Variants in SLC35F3 observed in about 807,000 individuals in gnomAD.
The protein encoded by SLC35F3 is putative thiamine transporter SLC35F3.
In SLC35F3, 25 loss-of-function variants were observed where a neutral mutation model predicts 49.9. The observed-to-expected ratio is 0.50, with a 90% CI of 0.37 to 0.70. The LOEUF is 0.70. Ranked by LOEUF, SLC35F3 falls within the 30% of genes least tolerant of loss-of-function variation. The pLI is 0.00. For missense variants in SLC35F3, 525 were observed against 639.8 expected (o/e 0.82, Z 1.94); for synonymous variants, 275 against 265.4 (o/e 1.04, Z -0.35).
intron 2 of SLC35F3, among the ~76,000 whole-genome samples, chr1:233,918,778 TTCTC>T (rs139769087): frequency 0.3 from 43,131 of 143,874 alleles, 6,870 homozygotes; most frequent in Admixed American, 0.48. Flanking sequence ...CTCTCTCTCT[TTCTC>T]TCTCTCTCTC....
intron 3 of SLC35F3, among the ~76,000 whole-genome samples, chr1:234,275,570 G>C (rs1040412547): frequency 6.7e-6 from 1 of 149,924 alleles, no homozygotes. Flanking sequence ...CTTGTAGGTA[G>C]GTAGTTAGGT....
At chr1:234,220,119 G>A (rs532358682) in intron 2 of SLC35F3, among the ~76,000 whole-genome samples, 9 of 151,826 alleles carry the variant, frequency 5.9e-5, no homozygotes, top group Non-Finnish European at 8.8e-5. Flanking sequence ...AACACCATCC[G>A]AAACTGAGAA....
chr1:233,914,908 G>C (rs1661943795), intron 2 of SLC35F3, among the ~76,000 whole-genome samples: 1 of 152,162 alleles, frequency 6.6e-6, no homozygotes, highest in African/African-American at 2.4e-5. Context: ...TTCTTCTGGT[G>C]GATGATGGTG....
intron 2 of SLC35F3, among the ~76,000 whole-genome samples, chr1:233,998,993 A>G (rs1254945182): frequency 2.0e-5 from 3 of 152,170 alleles, no homozygotes; most frequent in African/African-American, 7.2e-5. Context: ...AAATAGGGTA[A>G]TTATGCAAAG....
intron 3 of SLC35F3, among the ~76,000 whole-genome samples, chr1:234,299,804 C>CAAAAAA (rs36039526): frequency 3.9e-4 from 33 of 84,456 alleles, no homozygotes; most frequent in Non-Finnish European, 5.1e-4. Context: ...GACTCCATCT[C>CAAAAAA]AAAAAAAAAA....
intron 2 of SLC35F3, among the ~76,000 whole-genome samples, chr1:234,163,601 G>A (rs534180417): frequency 6.6e-6 from 1 of 152,364 alleles, no homozygotes; most frequent in Non-Finnish European, 1.5e-5. Flanking sequence ...GACTGGGGCT[G>A]CTATGCCTGT....
At chr1:234,240,195 C>A (rs1177245642) in intron 3 of SLC35F3, among the ~76,000 whole-genome samples, 2 of 152,194 alleles carry the variant, frequency 1.3e-5, no homozygotes, top group Admixed American at 6.5e-5. Context: ...GAGGGCTGGG[C>A]ATGGTGGCTC....
intron 2 of SLC35F3, among the ~76,000 whole-genome samples, chr1:233,976,410 A>G (rs1663080607): frequency 6.6e-6 from 1 of 152,212 alleles, no homozygotes; most frequent in Admixed American, 6.5e-5. Context: ...GAGATCTCCC[A>G]TATATCCAGC....
At position 234,214,393 on chromosome 1, in the gene SLC35F3, C is replaced by T. The variant is rs1484132690; in HGVS notation, c.284-17024C>T. On this transcript the variant is annotated intron_variant, in intron 2 of 7. Coordinates refer to ENST00000366618, the MANE Select transcript of SLC35F3 (RefSeq NM_173508.4). The surrounding 1 kb of genome is among the most constrained non-coding windows in gnomAD (Gnocchi z 8.0). ...AGAGGGGCGAGCCGCTGGTGCTCCCCGGCGGCAGAGGGCCGCGTCGGCCAC... is the reference window on the plus strand; with the variant it reads ...AGAGGGGCGAGCCGCTGGTGCTCCCTGGCGGCAGAGGGCCGCGTCGGCCAC... 11 of 1,369,278 alleles carry T rather than the reference C, an allele frequency of 8.0e-6. No individual in the cohort carries two copies. In the East Asian group the frequency reaches 1.9e-4, roughly 23 times the overall value. The allele number at this position is 1,369,278 out of a possible 1,614,324, so 84.8% of individuals were successfully genotyped here. A position where few individuals can be genotyped will look rare whatever the true frequency, so the allele number is the denominator to read the frequency against.
chr1:234,252,257 A>AC (rs967083784), intron 3 of SLC35F3, among the ~76,000 whole-genome samples: 1 of 152,036 alleles, frequency 6.6e-6, no homozygotes, highest in Non-Finnish European at 1.5e-5. Context: ...TTTAGTAGAG[A>AC]CGGTGTTTCA....
chr1:234,290,314 GAAA>G (rs958648783), intron 3 of SLC35F3, among the ~76,000 whole-genome samples: 12 of 151,888 alleles, frequency 7.9e-5, no homozygotes, highest in African/African-American at 1.9e-4. Flanking sequence ...ATAATCACAA[GAAA>G]AAAATTCTCA....
intron 2 of SLC35F3, among the ~76,000 whole-genome samples, chr1:234,094,799 G>A (rs996515755): frequency 2.0e-5 from 3 of 152,148 alleles, no homozygotes; most frequent in African/African-American, 7.2e-5. Flanking sequence ...TTATCTAAAG[G>A]GGGCAGAGAT....
chr1:234,017,384 C>G (rs1294537523), intron 2 of SLC35F3, among the ~76,000 whole-genome samples: 1 of 152,086 alleles, frequency 6.6e-6, no homozygotes, highest in Admixed American at 6.5e-5. Flanking sequence ...CATCAACTGA[C>G]CAAATATAAT....
chr1:234,070,884 G>C (rs1254562813), intron 2 of SLC35F3, among the ~76,000 whole-genome samples: 2 of 152,048 alleles, frequency 1.3e-5, no homozygotes, highest in Non-Finnish European at 2.9e-5. Context: ...TTCTAGATTT[G>C]TGCAGAGTTA....
intron 2 of SLC35F3, among the ~76,000 whole-genome samples, chr1:234,106,739 C>A (rs1411995450): frequency 6.6e-6 from 1 of 152,144 alleles, no homozygotes; most frequent in Non-Finnish European, 1.5e-5. Context: ...GTCCATAGCA[C>A]CTGCCCCTTT....
At chr1:234,227,398 T>C (rs1349755874) in intron 2 of SLC35F3, among the ~76,000 whole-genome samples, 2 of 77,198 alleles carry the variant, frequency 2.6e-5, no homozygotes, top group Non-Finnish European at 4.4e-5. Flanking sequence ...CTTTCTTTTT[T>C]TTTTTTTTTT....
At chr1:234,158,326 A>G (rs891871857) in intron 2 of SLC35F3, among the ~76,000 whole-genome samples, 3 of 152,234 alleles carry the variant, frequency 2.0e-5, no homozygotes, top group Non-Finnish European at 4.4e-5. Flanking sequence ...AAAACTTCAG[A>G]AGATATGAAT....
At chr1:234,157,115 T>C (rs7546621) in intron 2 of SLC35F3, among the ~76,000 whole-genome samples, 20,695 of 152,170 alleles carry the variant, frequency 0.14, 4,463 homozygotes, top group African/African-American at 0.46. Context: ...TTGTATAGTA[T>C]GTATCTTATA....
chr1:233,950,385 CAAAAAA>C lies in SLC35F3; in HGVS notation c.283+44646_283+44651del, dbSNP rs58271294. ...TGGGTGACAGAGCAAGACTCTGTCT[CAAAAAA>C]AAAAAAAAAAAAAAAAAATGAAAAT... On this transcript the variant is annotated intron_variant, in intron 2 of 7. Transcript: ENST00000366618. Among the ~76,000 whole-genome samples, 272 of 31,380 alleles carry C rather than the reference CAAAAAA, an allele frequency of 8.7e-3. 2 individuals are homozygous for C. The highest frequency in any genetic ancestry group is 0.028 in the African/African-American group (253 of 9,004). The allele number at this position is 31,380 out of a possible 152,430, so 20.6% of individuals were successfully genotyped here. A position where few individuals can be genotyped will look rare whatever the true frequency, so the allele number is the denominator to read the frequency against.
Sources: allele counts gnomAD v4.1 joint callset (sites outside exome capture counted in the v4.1 genomes callset), GRCh38; gene constraint gnomAD v4.1.1; non-coding constraint Gnocchi (gnomAD v3.1); transcripts MANE v1.5; gene names NCBI Gene and HGNC (gene_info 2026-07-23, HGNC 2026-07-21).